SLC38A9: variants seen among roughly 807,000 people sequenced by gnomAD.
SLC38A9 encodes the protein neutral amino acid transporter 9.
Under a neutral mutation model 62.3 loss-of-function variants are expected in SLC38A9, and 48 were observed. The ratio of observed to expected loss-of-function variants is 0.77; its 90% CI spans 0.61 to 0.98. The LOEUF (loss-of-function observed/expected upper bound fraction) is 0.98, where lower values mean the gene tolerates loss of function less well. Ranked by LOEUF, SLC38A9 falls within the 50% of genes least tolerant of loss-of-function variation. SLC38A9 has a pLI of 0.00. For synonymous variants in SLC38A9, 204 were observed against 227.7 expected (o/e 0.90, Z 0.94); for missense variants, 541 against 679.8 (o/e 0.80, Z 2.27).
At chr5:55,658,267 C>T (rs765489372) in intron 8 of SLC38A9, among the ~76,000 whole-genome samples, 3 of 152,136 alleles carry the variant, frequency 2.0e-5, no homozygotes, top group Non-Finnish European at 4.4e-5. Context: ...AATTCTCCTG[C>T]CTCAGCCTCC....
At chr5:55,706,010 C>T (rs1256133685) in intron 2 of SLC38A9, among the ~76,000 whole-genome samples, 4 of 152,120 alleles carry the variant, frequency 2.6e-5, no homozygotes, top group African/African-American at 9.7e-5. Context: ...GCCTGGCTGG[C>T]TTTAAACTCT....
chr5:55,628,054 C>T (rs78968762), intron 14 of SLC38A9, 74 bp from the exon 15 acceptor site: 26,686 of 873,520 alleles, frequency 0.031, 698 homozygotes, highest in African/African-American at 0.11. Context: ...TAATATGAGA[C>T]TACAGTTCAT....
chr5:55,656,564 TA>T, intron 9 of SLC38A9, 150 bp downstream of exon 9: 1 of 592,822 alleles, frequency 1.7e-6, no homozygotes. Flanking sequence ...CTTTTTTTTT[TA>T]AACACACTAC....
chr5:55,646,363 T>G (rs1451033290), intron 11 of SLC38A9, among the ~76,000 whole-genome samples: 1 of 152,002 alleles, frequency 6.6e-6, no homozygotes, highest in African/African-American at 2.4e-5. Context: ...AGAGCGAGAC[T>G]CCATCTCAAA....
Position 55,665,879 on chromosome 5 carries a change from C to T in SLC38A9, c.527-1016G>A, listed in dbSNP as rs947386525. Among the ~76,000 whole-genome samples the T allele has an allele frequency of 3.3e-5, 5 of 152,120 alleles. No homozygotes were observed. The South Asian group carries it at 8.3e-4, about 25-fold the overall frequency. On this transcript the variant is annotated intron_variant, in intron 7 of 15. Transcript: ENST00000396865. ...TCAGGAGGCTGAGGTGGGAGGATCCCTTGAGACCAGGAGGTTGAGGCTGCA... is the reference window on the plus strand; with the variant it reads ...TCAGGAGGCTGAGGTGGGAGGATCCTTTGAGACCAGGAGGTTGAGGCTGCA...
chr5:55,672,777 C>T, intron 3 of SLC38A9, 82 bp from the exon 4 acceptor site: 2 of 1,414,180 alleles, frequency 1.4e-6, no homozygotes, highest in Non-Finnish European at 9.7e-7. Flanking sequence ...AACTTCTTAT[C>T]CTCCATTAGT....
rs565134867 is a variant in SLC38A9, at chr5:55,700,582, G to C, written c.-34-2590C>G. Among the ~76,000 whole-genome samples the C allele has an allele frequency of 1.2e-4, 19 of 152,148 alleles. No individual in the cohort carries two copies. The East Asian group carries it at 3.7e-3, about 29-fold the overall frequency. On this transcript the variant is annotated intron_variant, in intron 2 of 15. Transcript: ENST00000396865. ...ATAACTGAACTAAAGGAAAGCAAAA[G>C]AGGAGAAAAAAATATAAAATAGGTG...
intron 8 of SLC38A9, among the ~76,000 whole-genome samples, chr5:55,662,106 G>A (rs1359701385): frequency 2.0e-5 from 3 of 152,196 alleles, no homozygotes; most frequent in Non-Finnish European, 4.4e-5. Context: ...GGTTGAAAAT[G>A]TGAATATCTT....
At chr5:55,670,909 C>T (rs887860181) in intron 4 of SLC38A9, among the ~76,000 whole-genome samples, 8 of 152,264 alleles carry the variant, frequency 5.3e-5, no homozygotes, top group African/African-American at 1.9e-4. Flanking sequence ...AAAAAATTAT[C>T]CTACCCAGAA....
intron 3 of SLC38A9, among the ~76,000 whole-genome samples, chr5:55,686,356 T>G (rs1753818386): frequency 6.6e-6 from 1 of 152,238 alleles, no homozygotes; most frequent in Non-Finnish European, 1.5e-5. Context: ...GTGGTTTTGA[T>G]TTGCATTTCT....
At chr5:55,662,047 G>A (rs1749666754) in intron 8 of SLC38A9, among the ~76,000 whole-genome samples, 1 of 152,194 alleles carries the variant, frequency 6.6e-6, no homozygotes, top group Non-Finnish European at 1.5e-5. Context: ...GTTGGCAGGA[G>A]TGTAAGTAGT....
At chr5:55,693,035 C>G (rs887673894) in intron 3 of SLC38A9, 1 of 981,498 alleles carries the variant, frequency 1.0e-6, no homozygotes, top group African/African-American at 1.8e-5. Context: ...TAGCTTAAAC[C>G]AACCATCTTT....
intron 10 of SLC38A9, among the ~76,000 whole-genome samples, chr5:55,649,955 T>C (rs576624903): frequency 2.0e-5 from 3 of 152,270 alleles, no homozygotes; most frequent in South Asian, 4.1e-4. Context: ...ATTACAAAAT[T>C]ATAGGATTAC....
At chr5:55,646,357 C>T (rs1230111502) in intron 11 of SLC38A9, among the ~76,000 whole-genome samples, 9 of 151,846 alleles carry the variant, frequency 5.9e-5, no homozygotes, top group East Asian at 1.9e-4. Flanking sequence ...GGTGAAAGAG[C>T]GAGACTCCAT....
chr5:55,684,329 T>TA (rs1222932607), intron 3 of SLC38A9, among the ~76,000 whole-genome samples: 3 of 152,134 alleles, frequency 2.0e-5, no homozygotes, highest in Admixed American at 6.5e-5. Flanking sequence ...ACATTGTAAA[T>TA]AAAAAAACTG....
chr5:55,676,329 C>T (rs183548395), intron 3 of SLC38A9, among the ~76,000 whole-genome samples: 1 of 152,218 alleles, frequency 6.6e-6, no homozygotes, highest in African/African-American at 2.4e-5. Context: ...GCGTACACCA[C>T]CATGCCCGTC....
intron 2 of SLC38A9, among the ~76,000 whole-genome samples, 169 bp from the exon 3 acceptor site, chr5:55,698,161 T>A (rs546895030): frequency 6.6e-6 from 1 of 152,144 alleles, no homozygotes; most frequent in Non-Finnish European, 1.5e-5. Flanking sequence ...TTAAATGGAG[T>A]TATTTCTTGT....
At chr5:55,683,836 A>G (rs1032659414) in intron 3 of SLC38A9, among the ~76,000 whole-genome samples, 3 of 152,168 alleles carry the variant, frequency 2.0e-5, no homozygotes, top group Admixed American at 1.3e-4. Flanking sequence ...CTTATAAATC[A>G]ATTCTAATTT....
Position 55,651,914 on chromosome 5 carries a change from G to GA in SLC38A9, c.952+614dup, listed in dbSNP as rs553185498. The stretch of plus-strand genomic sequence containing the variant: ...TTGTATCCTCAGAGAAAATGAGGAA[G>GA]AATTGTTCAGTAAGTTTAGAATGAG... On this transcript the variant is annotated intron_variant, in intron 10 of 15. Coordinates refer to ENST00000396865, the MANE Select transcript of SLC38A9 (RefSeq NM_173514.4). Among the ~76,000 whole-genome samples, 6 of 149,264 alleles carry GA rather than the reference G, an allele frequency of 4.0e-5. No homozygotes were observed. In the South Asian group the frequency reaches 1.3e-3, roughly 32 times the overall value.
Sources: allele counts gnomAD v4.1 joint callset (sites outside exome capture counted in the v4.1 genomes callset), GRCh38; gene constraint gnomAD v4.1.1; transcripts MANE v1.5; gene names NCBI Gene and HGNC (gene_info 2026-07-23, HGNC 2026-07-21).